Variants in ERI2 observed in about 807,000 individuals in gnomAD.
The protein encoded by ERI2 is ERI1 exoribonuclease 2.
In ERI2, 35 loss-of-function variants were observed where a neutral mutation model predicts 46.8. The ratio of observed to expected loss-of-function variants is 0.75; its 90% confidence interval spans 0.57 to 0.99. The LOEUF (loss-of-function observed/expected upper bound fraction) is 0.99. Ranked by LOEUF, ERI2 falls within the 50% of genes least tolerant of loss-of-function variation. The probability of loss-of-function intolerance (pLI) is 0.00; values close to 1 mark genes in which losing one functional copy is unlikely to be tolerated. For missense variants in ERI2, 695 were observed against 796.2 expected (o/e 0.87, Z 1.53); for synonymous variants, 224 against 271.0 (o/e 0.83, Z 1.70).
chr16:20,804,276 T>A (rs2080826305), intron 1 of ERI2, among the ~76,000 whole-genome samples: 1 of 152,208 alleles, frequency 6.6e-6, no homozygotes, highest in African/African-American at 2.4e-5. Flanking sequence ...CCCCCTGCAT[T>A]TTTTAAGCTC....
Position 20,797,919 on chromosome 16 carries a change from G to A in ERI2, c.1881C>T (p.Tyr627=). 6.4e-7 allele frequency: 1 copy of A among 1,551,654 alleles called. No homozygotes were observed. The highest frequency in any genetic ancestry group is 1.2e-5 in the South Asian group (1 of 84,046). The part of the protein sequence containing the change: ...KVFYCCPIGK[Y]QENRKCCGYF... ...AACCACAACATTTTCTGTTTTCTTG[G>A]TATTTCCCGATAGGGCAACAATAGA... The change falls in exon 9 of 9, where the codon TAC becomes TAT. Residue 627 remains tyrosine, a synonymous_variant. Coordinates refer to ENST00000357967, the MANE Select transcript of ERI2 (RefSeq NM_001142725.2).
Position 20,799,340 on chromosome 16 carries a change from A to T in ERI2, c.655T>A (p.Ser219Thr). Reference sequence around the variant, plus strand: ...CAAGCAAGAAGGGCAGTATTCCGAGAATCGTCCAACCCTGAGGATACAGAT... The same window carrying T: ...CAAGCAAGAAGGGCAGTATTCCGAGTATCGTCCAACCCTGAGGATACAGAT... ...SGREHSGLDD[S>T]RNTALLAWKM... The change falls in exon 8 of 9, where the codon TCT becomes ACT. Residue 219 changes from serine to threonine, a missense_variant. By Grantham distance (58) the Ser-to-Thr change is moderately conservative (BLOSUM62 1). Coordinates refer to ENST00000357967, the MANE Select transcript of ERI2 (RefSeq NM_001142725.2). 6.2e-7 allele frequency: 1 copy of T among 1,613,666 alleles called. No homozygotes were observed. The highest frequency in any genetic ancestry group is 1.1e-5 in the South Asian group (1 of 91,064).
chr16:20,797,664 T>A lies in ERI2; in HGVS notation c.*60A>T. 1.4e-6 allele frequency: 2 copies of A among 1,448,806 alleles called. No individual in the cohort carries two copies. Among genetic ancestry groups the A allele is most frequent in the South Asian group, 1.6e-5 (1 of 63,172 alleles). The allele number at this position is 1,448,806 out of a possible 1,614,324, so 89.7% of individuals were successfully genotyped here. On this transcript the variant is annotated 3_prime_UTR_variant, in exon 9 of 9. Coordinates refer to ENST00000357967, the MANE Select transcript of ERI2 (RefSeq NM_001142725.2). ...ATAAAAATAAAATAGTGTAAGATGT[T>A]ATCAGAATACTCATGTTTGGAAATT... is the stretch of plus-strand genomic sequence containing the variant.
At chr16:20,792,581 G>A (rs961664717), downstream of ERI2, 12 of 985,276 alleles carry the variant, frequency 1.2e-5, no homozygotes, top group African/African-American at 1.7e-4. Context: ...AATTCCTTCC[G>A]TGGTGGACTA....
intron 10 of ERI2, among the ~76,000 whole-genome samples, chr16:20,786,610 G>A (rs950261713): frequency 3.3e-4 from 50 of 152,190 alleles, no homozygotes; most frequent in African/African-American, 1.2e-3. Flanking sequence ...TTGAGCCTGG[G>A]AGCTTGGGGC....
chr16:20,797,378 A>C lies in ERI2; in HGVS notation c.*346T>G. 1.0e-6 allele frequency: 1 copy of C among 985,262 alleles called. No individual in the cohort carries two copies. The highest frequency in any genetic ancestry group is 1.2e-6 in the Non-Finnish European group (1 of 824,638). 61.0% of individuals were successfully genotyped at this position (985,262 alleles called of 1,614,324 possible). A position where few individuals can be genotyped will look rare whatever the true frequency, so the allele number is the denominator to read the frequency against. ...AAAGAACTTATAAAAGTTTTTAGAA[A>C]AATATAAAATATCAGTTAGAAGATT... is the stretch of plus-strand genomic sequence containing the variant. On this transcript the variant is annotated 3_prime_UTR_variant, in exon 9 of 9. Transcript: ENST00000357967.
chr16:20,799,770 G>T (rs4783504), intron 7 of ERI2, 187 bp downstream of exon 7: 240,239 of 501,456 alleles, frequency 0.48, 64,419 homozygotes, highest in Non-Finnish European at 0.58. Context: ...AGATGGCAGT[G>T]TATCTTACAA....
downstream of ERI2, among the ~76,000 whole-genome samples, chr16:20,794,598 A>T (rs1458220853): frequency 2.6e-5 from 4 of 152,252 alleles, no homozygotes; most frequent in Non-Finnish European, 5.9e-5. Context: ...ATAGAATTTC[A>T]TAGAGATTTG....
intron 9 of ERI2, chr16:20,789,671 C>T: frequency 1.6e-6 from 1 of 627,712 alleles, no homozygotes; most frequent in Non-Finnish European, 2.8e-6. Context: ...TATTATAAAG[C>T]AACTCTATTT....
downstream of ERI2, among the ~76,000 whole-genome samples, chr16:20,793,544 C>A (rs77675321): frequency 0.021 from 3,178 of 152,178 alleles, 44 homozygotes; most frequent in South Asian, 0.052. Flanking sequence ...GGGTGGATCT[C>A]CCCCCAGGAC....
intron 5 of ERI2, 21 bp downstream of exon 5, chr16:20,801,182 T>C (rs1267195090): frequency 1.3e-6 from 2 of 1,576,956 alleles, no homozygotes; most frequent in East Asian, 2.3e-5. Flanking sequence ...CTGTGATTAA[T>C]AGGTATAACT....
chr16:20,788,637 C>A lies in ERI2; in HGVS notation c.894+842G>T, dbSNP rs77873289. ...GATTCCTACAACTTCAAAGCCCAACCTTTATAATCTTCTTTGTTTGCTTTT... is the reference window on the plus strand; with the variant it reads ...GATTCCTACAACTTCAAAGCCCAACATTTATAATCTTCTTTGTTTGCTTTT... On this transcript the variant is annotated intron_variant, in intron 10 of 10. Coordinates refer to the ERI2 transcript ENST00000300005. 6.0e-3 allele frequency among the ~76,000 whole-genome samples: 912 copies of A among 152,256 alleles called. 14 individuals carry two copies. The highest frequency in any genetic ancestry group is 0.021 in the African/African-American group (854 of 41,558).
intron 10 of ERI2, chr16:20,783,305 G>A (rs2080393908): frequency 6.6e-6 from 1 of 152,204 alleles, no homozygotes; most frequent in African/African-American, 2.4e-5. Context: ...CTCTGGGCCA[G>A]GAACCCAGGA....
At chr16:20,789,272 C>T (rs2080540468) in intron 10 of ERI2, among the ~76,000 whole-genome samples, 1 of 152,254 alleles carries the variant, frequency 6.6e-6, no homozygotes, top group African/African-American at 2.4e-5. Context: ...CTCTCTACAC[C>T]TCAGTTTCCT....
downstream of ERI2, chr16:20,796,044 CTTG>C (rs2080715880): frequency 4.9e-6 from 1 of 203,232 alleles, no homozygotes; most frequent in South Asian, 1.5e-4. Context: ...TCTTCACAGC[CTTG>C]TATAAAGACT....
chr16:20,791,029 C>T lies in ERI2; in HGVS notation c.733-97G>A, dbSNP rs547922692. 9 of 1,318,634 alleles carry T rather than the reference C, an allele frequency of 6.8e-6. 1 individual carries two copies. The highest frequency in any genetic ancestry group is 5.9e-5 in the African/African-American group (4 of 67,976). The allele number at this position is 1,318,634 out of a possible 1,614,324, so 81.7% of individuals were successfully genotyped here. On this transcript the variant is annotated intron_variant, in intron 8 of 10. Coordinates refer to the ERI2 transcript ENST00000300005. ...AAATCCAGTTAGTGCTCTTTCTTTT[C>T]GGGAAGAGTGAGAGGGACAGGGGAT...
chr16:20,789,357 A>G, intron 10 of ERI2: 4 of 742,708 alleles, frequency 5.4e-6, no homozygotes, highest in Non-Finnish European at 9.4e-6. Flanking sequence ...AAGTACTTAA[A>G]GGTTTAGCAT....
chr16:20,790,644 C>T lies in ERI2; in HGVS notation c.815+206G>A. On this transcript the variant is annotated intron_variant, in intron 9 of 10. Coordinates refer to the ERI2 transcript ENST00000300005. The surrounding 1 kb of genome is among the most constrained non-coding windows in gnomAD (Gnocchi z 4.0). ...TGGACAAGAAGGAGATATTGGCATT[C>T]AAGTTCTACCCAACCGACCATTTGG... 1.2e-6 allele frequency: 2 copies of T among 1,614,118 alleles called. No individual in the cohort carries two copies. The highest frequency in any genetic ancestry group is 1.7e-6 in the Non-Finnish European group (2 of 1,179,982).
chr16:20,802,737 A>T lies in ERI2; in HGVS notation c.303+59T>A, dbSNP rs1027838549. ...CTAAATAAATCTAATTTCAAATGGT[A>T]TAATAACTTTTATTTTCTTTTTGAA... is the stretch of plus-strand genomic sequence containing the variant. On this transcript the variant is annotated intron_variant, in intron 4 of 8. Coordinates refer to ENST00000357967, the MANE Select transcript of ERI2 (RefSeq NM_001142725.2). The T allele has an allele frequency of 4.1e-5, 63 of 1,547,534 alleles. No homozygotes were observed. In the African/African-American group the frequency reaches 8.1e-4, roughly 20 times the overall value.
Sources: allele counts gnomAD v4.1 joint callset (sites outside exome capture counted in the v4.1 genomes callset), GRCh38; gene constraint gnomAD v4.1.1; non-coding constraint Gnocchi (gnomAD v3.1); transcripts MANE v1.5; gene names NCBI Gene and HGNC (gene_info 2026-07-23, HGNC 2026-07-21).